ASPRV1: variants seen among roughly 807,000 people sequenced by gnomAD.
ASPRV1 encodes aspartic peptidase retroviral like 1.
Under a neutral mutation model 11.0 loss-of-function variants are expected in ASPRV1, and 7 were observed. The ratio of observed to expected loss-of-function variants is 0.64; its 90% confidence interval spans 0.36 to 1.20. The LOEUF is 1.20. Ranked by LOEUF, ASPRV1 falls within the 50% of genes most tolerant of loss-of-function variation. The pLI, the probability that ASPRV1 is intolerant of heterozygous loss-of-function variation, is 0.02. For synonymous variants in ASPRV1, 136 were observed against 138.4 expected (o/e 0.98, Z 0.12); for missense variants, 299 against 320.0 (o/e 0.93, Z 0.50).
the ASPRV1 span, among the ~76,000 whole-genome samples, chr2:70,084,815 C>A: frequency 3.3e-5 from 5 of 151,918 alleles, no homozygotes; most frequent in South Asian, 1.0e-3. Flanking sequence ...AGAACAATGC[C>A]CAGCACACAG....
At chr2:70,041,078 G>C in the ASPRV1 span, among the ~76,000 whole-genome samples, 1 of 152,174 alleles carries the variant, frequency 6.6e-6, no homozygotes, top group Admixed American at 6.5e-5. Context: ...CTGCTTACTG[G>C]ATGCTCAAAG....
chr2:70,054,827 C>T, the ASPRV1 span, among the ~76,000 whole-genome samples: 71 of 152,148 alleles, frequency 4.7e-4, no homozygotes, highest in African/African-American at 1.6e-3. Context: ...ACATCTGAGA[C>T]ATAAAGTTGG....
chr2:70,023,496 TAG>T, the ASPRV1 span, among the ~76,000 whole-genome samples: 2 of 152,212 alleles, frequency 1.3e-5, no homozygotes, highest in East Asian at 1.9e-4. Context: ...CACTCAGGCC[TAG>T]AGGTCCACCA....
chr2:70,056,965 G>C, the ASPRV1 span, among the ~76,000 whole-genome samples: 9 of 152,124 alleles, frequency 5.9e-5, 1 homozygote, highest in South Asian at 1.9e-3. Context: ...TCAAACTCCT[G>C]ACCTCAGGTG....
chr2:70,035,943 T>C, the ASPRV1 span, among the ~76,000 whole-genome samples: 1 of 151,866 alleles, frequency 6.6e-6, no homozygotes, highest in Non-Finnish European at 1.5e-5. Flanking sequence ...CTGTATTACT[T>C]TCATGCTTTT....
At chr2:69,940,817 CTG>C in the ASPRV1 span, 1 of 152,648 alleles carries the variant, frequency 6.6e-6, no homozygotes, top group Non-Finnish European at 1.5e-5. Context: ...CTAACCAAAA[CTG>C]TAATCTTCAG....
the ASPRV1 span, among the ~76,000 whole-genome samples, chr2:70,082,302 C>T: frequency 1.3e-5 from 2 of 152,210 alleles, no homozygotes; most frequent in South Asian, 4.2e-4. Context: ...GGCATGGTGA[C>T]TCACACCAGA....
At chr2:70,010,953 C>A in the ASPRV1 span, among the ~76,000 whole-genome samples, 1 of 152,080 alleles carries the variant, frequency 6.6e-6, no homozygotes, top group Non-Finnish European at 1.5e-5. Flanking sequence ...GGTAAGTACT[C>A]GATATGTATT....
chr2:70,066,531 C>T, the ASPRV1 span, among the ~76,000 whole-genome samples: 1 of 152,146 alleles, frequency 6.6e-6, no homozygotes, highest in African/African-American at 2.4e-5. Flanking sequence ...GCATGAGCCA[C>T]TGCGCCTGGC....
chr2:70,034,097 G>T, the ASPRV1 span, among the ~76,000 whole-genome samples: 7 of 141,034 alleles, frequency 5.0e-5, no homozygotes, highest in African/African-American at 1.9e-4. Flanking sequence ...GGAGCCTGCA[G>T]TGAGCCGAGA....
the ASPRV1 span, among the ~76,000 whole-genome samples, chr2:70,000,072 C>T: frequency 1.3e-5 from 2 of 152,184 alleles, no homozygotes; most frequent in South Asian, 4.1e-4. Context: ...CCACCTCTAG[C>T]CTCATGGTTT....
At chr2:69,975,097 G>A in the ASPRV1 span, among the ~76,000 whole-genome samples, 1 of 152,362 alleles carries the variant, frequency 6.6e-6, no homozygotes, top group South Asian at 2.1e-4. Context: ...TCTCAGGCAG[G>A]AGGAAGGAGG....
chr2:69,969,896 A>ATT, the ASPRV1 span, among the ~76,000 whole-genome samples: 8 of 143,840 alleles, frequency 5.6e-5, no homozygotes, highest in African/African-American at 1.3e-4. Context: ...ATTCTCTTAA[A>ATT]TTTTTTTTTT....
chr2:70,024,727 C>T, the ASPRV1 span, among the ~76,000 whole-genome samples: 111 of 152,226 alleles, frequency 7.3e-4, no homozygotes, highest in Non-Finnish European at 2.9e-5. Context: ...TCATTGGGTG[C>T]CACACCACTT....
chr2:70,011,049 C>T, the ASPRV1 span, among the ~76,000 whole-genome samples: 1 of 151,966 alleles, frequency 6.6e-6, no homozygotes, highest in African/African-American at 2.4e-5. Flanking sequence ...CAAGTGGGAG[C>T]TAAATGATGA....
Position 69,961,346 on chromosome 2 carries a change from G to A in ASPRV1, c.91C>T (p.Leu31Phe), listed in dbSNP as rs780417082. ...ATGACTTCAAAGCTGTGCAGCCAGA[G>A]GTTTGGGACGACATTGGCCCCATCA... is the stretch of plus-strand genomic sequence containing the variant. ...PFDGANVVPN[L>F]WLHSFEVIND... The change falls in exon 1 of 1, where the codon CTC (leucine) becomes TTC (phenylalanine). Residue 31 changes from leucine (L) to phenylalanine (F), a missense_variant. Leu to Phe is a conservative substitution (Grantham distance 22). Transcript: ENST00000320256. The A allele has an allele frequency of 7.4e-6, 12 of 1,614,056 alleles. No individual in the cohort carries two copies. The East Asian group carries it at 1.1e-4, about 15-fold the overall frequency.
chr2:70,012,466 A>G, the ASPRV1 span, among the ~76,000 whole-genome samples: 2 of 152,026 alleles, frequency 1.3e-5, no homozygotes, highest in Non-Finnish European at 2.9e-5. Flanking sequence ...GGTCAACATC[A>G]TTTTTATAAT....
the ASPRV1 span, chr2:70,081,207 T>C: frequency 6.6e-6 from 1 of 152,244 alleles, no homozygotes; most frequent in Non-Finnish European, 1.5e-5. Flanking sequence ...TGGAAGTGCC[T>C]GTTTCTGGCT....
chr2:69,995,735 G>A, the ASPRV1 span, among the ~76,000 whole-genome samples: 3 of 152,150 alleles, frequency 2.0e-5, no homozygotes, highest in African/African-American at 7.2e-5. Flanking sequence ...ATTGTCCCAA[G>A]GTGGGAAGAG....
Sources: allele counts gnomAD v4.1 joint callset (sites outside exome capture counted in the v4.1 genomes callset), GRCh38; gene constraint gnomAD v4.1.1; transcripts MANE v1.5; gene names NCBI Gene and HGNC (gene_info 2026-07-23, HGNC 2026-07-21).